The following FDX2 variants were observed in gnomAD, a reference collection of about 807,000 sequenced individuals.
FDX2 encodes ferredoxin-2, mitochondrial.
In FDX2, 13 loss-of-function variants were observed where a neutral mutation model predicts 18.5. The ratio of observed to expected loss-of-function variants is 0.70; its 90% CI spans 0.46 to 1.12. FDX2 has a LOEUF of 1.12. Among genes scored for constraint, FDX2 ranks in the 50% most tolerant of loss-of-function variants. FDX2 has a pLI of 0.00. For synonymous variants in FDX2, 132 were observed against 106.2 expected (o/e 1.24, Z -1.49); for missense variants, 238 against 250.4 (o/e 0.95, Z 0.34).
chr19:10,314,570 GA>G (rs945812780), intron 3 of FDX2, among the ~76,000 whole-genome samples: 25 of 145,128 alleles, frequency 1.7e-4, no homozygotes, highest in East Asian at 1.2e-3. Flanking sequence ...TCCGTCTCTT[GA>G]AAAAAAAAAA....
At chr19:10,313,352 A>T (rs1272183731) in intron 3 of FDX2, among the ~76,000 whole-genome samples, 1 of 152,118 alleles carries the variant, frequency 6.6e-6, no homozygotes, top group Non-Finnish European at 1.5e-5. Context: ...AGTTGGTCAT[A>T]ATTATGTATT....
At chr19:10,310,684 G>T in intron 4 of FDX2, 42 bp from the exon 5 acceptor site, 1 of 1,600,086 alleles carries the variant, frequency 6.2e-7, no homozygotes, top group Non-Finnish European at 8.5e-7. Context: ...GGGCAAGCTA[G>T]CTGGGTGGGT....
At chr19:10,314,982 T>C (rs2040362808) in intron 3 of FDX2, among the ~76,000 whole-genome samples, 1 of 152,088 alleles carries the variant, frequency 6.6e-6, no homozygotes, top group Non-Finnish European at 1.5e-5. Context: ...GCGCCTGTAA[T>C]CCCAGCTAGT....
At position 10,310,210 on chromosome 19, in the gene FDX2, C is replaced by G. The variant is rs565772659; in HGVS notation, c.*276G>C. 283 of 481,162 alleles carry G rather than the reference C, an allele frequency of 5.9e-4. No homozygotes were observed. The highest frequency in any genetic ancestry group is 1.3e-3 in the Admixed American group (38 of 29,320). The allele number at this position is 481,162 out of a possible 1,614,324, so 29.8% of individuals were successfully genotyped here. On this transcript the variant is annotated 3_prime_UTR_variant, in exon 5 of 5. Coordinates refer to ENST00000393708, the MANE Select transcript of FDX2 (RefSeq NM_001031734.4). ...CTGTCCCCCAAGGACACTCAACATGCTGGGGCCTGTGTTATCGATTTATTG... is the reference window on the plus strand; with the variant it reads ...CTGTCCCCCAAGGACACTCAACATGGTGGGGCCTGTGTTATCGATTTATTG...
Position 10,315,318 on chromosome 19 carries a change from G to A in FDX2, c.316+68C>T, listed in dbSNP as rs12976540. 2.0e-3 allele frequency: 869 copies of A among 428,570 alleles called. 19 individuals are homozygous for A. The highest frequency in any genetic ancestry group is 5.8e-3 in the Middle Eastern group (10 of 1,722). The allele number at this position is 428,570 out of a possible 1,614,324, so 26.5% of individuals were successfully genotyped here. On this transcript the variant is annotated intron_variant, in intron 3 of 4. Transcript: ENST00000393708. ...CGTGAAGAGACACACCTAATTTGTGGGTTTTTTTTTTTTTTTTTTTGGACA... is the reference window on the plus strand; with the variant it reads ...CGTGAAGAGACACACCTAATTTGTGAGTTTTTTTTTTTTTTTTTTTGGACA...
intron 3 of FDX2, among the ~76,000 whole-genome samples, chr19:10,312,076 G>A (rs1421698797): frequency 6.6e-6 from 1 of 151,254 alleles, no homozygotes; most frequent in Admixed American, 6.6e-5. Context: ...TGCCATGCTG[G>A]CCAGGCTGGT....
rs1400520686 is a variant in FDX2, at chr19:10,310,940, C to G, written c.317G>C (p.Gly106Ala). 1 of 1,609,760 alleles carries G rather than the reference C, an allele frequency of 6.2e-7. No homozygotes were observed. The highest frequency in any genetic ancestry group is 1.3e-5 in the African/African-American group (1 of 74,824). Reference sequence around the variant, plus strand: ...GCAGGCCAGGGAGGCTTCACAGGCCCCTAGGGGTGGGAAGTGAAGGGGGCG... The same window carrying G: ...GCAGGCCAGGGAGGCTTCACAGGCCGCTAGGGGTGGGAAGTGAAGGGGGCG... The change falls in exon 4 of 5, where the codon GGG becomes GCG. Residue 106 changes from glycine to alanine, a missense_variant and splice_region_variant. Physicochemically the swap from Gly to Ala is moderately conservative, Grantham distance 60. Transcript: ENST00000393708.
chr19:10,312,172 ATTTTTTTTT>A (rs60538704), intron 3 of FDX2, among the ~76,000 whole-genome samples: 2 of 82,546 alleles, frequency 2.4e-5, no homozygotes, highest in Non-Finnish European at 4.5e-5. Flanking sequence ...ACCTGGCCAT[ATTTTTTTTT>A]TTTTTTTTTT....
rs1269325567 is a variant in FDX2 at position 10,310,057 on chromosome 19, T to G, written c.*429A>C. 2 of 179,828 alleles carry G rather than the reference T, an allele frequency of 1.1e-5. No individual in the cohort carries two copies. Among genetic ancestry groups the G allele is most frequent in the Non-Finnish European group, 2.4e-5 (2 of 84,502 alleles). 11.1% of individuals were successfully genotyped at this position (179,828 alleles called of 1,614,324 possible). ...CACCACTCCACGCTAATTTTTACTGTTTTTATAGAGACGAGGTCTCGCCAT... is the reference window on the plus strand; with the variant it reads ...CACCACTCCACGCTAATTTTTACTGGTTTTATAGAGACGAGGTCTCGCCAT... On this transcript the variant is annotated 3_prime_UTR_variant, in exon 5 of 5. Coordinates refer to ENST00000393708, the MANE Select transcript of FDX2 (RefSeq NM_001031734.4).
Position 10,310,412 on chromosome 19 carries a change from A to G in FDX2, c.*74T>C. On this transcript the variant is annotated 3_prime_UTR_variant, in exon 5 of 5. Transcript: ENST00000393708. Reference sequence around the variant, plus strand: ...TCCCGGGCCTGTCCGCACTCTGGGCAGGGCTGGCACCTGGCTATTCCCTCA... The same window carrying G: ...TCCCGGGCCTGTCCGCACTCTGGGCGGGGCTGGCACCTGGCTATTCCCTCA... 1 of 1,597,728 alleles carries G rather than the reference A, an allele frequency of 6.3e-7. No homozygotes were observed. Among genetic ancestry groups the G allele is most frequent in the Admixed American group, 1.7e-5 (1 of 59,096 alleles).
At chr19:10,312,619 G>A (rs1185788529) in intron 3 of FDX2, among the ~76,000 whole-genome samples, 1 of 152,054 alleles carries the variant, frequency 6.6e-6, no homozygotes, top group African/African-American at 2.4e-5. Context: ...TACAAGCTCC[G>A]CTTCCCGGAT....
chr19:10,315,701 TCA>T lies in FDX2; in HGVS notation c.209+2_209+3del. ...GAATGGGGGACTTGGCCCCCTGCAC[TCA>T]CACGTCCCCGGGCCGCTCCGGGCCG... On this transcript the variant is annotated splice_donor_variant and splice_donor_region_variant and intron_variant, in intron 2 of 4. Coordinates refer to ENST00000393708, the MANE Select transcript of FDX2 (RefSeq NM_001031734.4). LOFTEE classifies it high-confidence loss of function. 2 of 1,549,076 alleles carry T rather than the reference TCA, an allele frequency of 1.3e-6. No individual in the cohort carries two copies. The highest frequency in any genetic ancestry group is 1.7e-6 in the Non-Finnish European group (2 of 1,147,176).
At chr19:10,314,911 G>A (rs1041347985) in intron 3 of FDX2, among the ~76,000 whole-genome samples, 1 of 152,170 alleles carries the variant, frequency 6.6e-6, no homozygotes, top group Non-Finnish European at 1.5e-5. Flanking sequence ...GACCAGCCTG[G>A]CCAATGTGGT....
chr19:10,313,127 G>C (rs1471457459), intron 3 of FDX2, among the ~76,000 whole-genome samples: 1 of 152,158 alleles, frequency 6.6e-6, no homozygotes, highest in African/African-American at 2.4e-5. Context: ...GATAGAGCGA[G>C]ACTCTGTCTC....
chr19:10,310,919 G>A lies in FDX2; in HGVS notation c.338C>T (p.Ala113Val), dbSNP rs2040317528. Residue 113 changes from alanine to valine, a missense_variant, in exon 4 of 5, where the codon GCC becomes GTC. Coordinates refer to ENST00000393708, the MANE Select transcript of FDX2 (RefSeq NM_001031734.4). ...CACATACACATGGCAGGTGGAGCAG[G>A]CCAGGGAGGCTTCACAGGCCCCTAG... The A allele has an allele frequency of 6.2e-7, 1 of 1,613,100 alleles. No homozygotes were observed. Among genetic ancestry groups the A allele is most frequent in the Non-Finnish European group, 8.5e-7 (1 of 1,179,526 alleles).
Position 10,310,901 on chromosome 19 carries a change from ACATGG to A in FDX2, c.351_355del (p.His118ValfsTer4). 6.2e-7 allele frequency: 1 copy of A among 1,613,734 alleles called. No individual in the cohort carries two copies. Among genetic ancestry groups the A allele is most frequent in the Non-Finnish European group, 8.5e-7 (1 of 1,179,878 alleles). On this transcript the variant is annotated frameshift_variant, in exon 4 of 5. Coordinates refer to ENST00000393708, the MANE Select transcript of FDX2 (RefSeq NM_001031734.4). LOFTEE classifies it high-confidence loss of function. The stretch of plus-strand genomic sequence containing the variant: ...ATCCAGGTGGTCTTCACTCACATAC[ACATGG>A]CAGGTGGAGCAGGCCAGGGAGGCTT...
rs1416404381 is a variant in FDX2 at position 10,310,920 on chromosome 19, C to T, written c.337G>A (p.Ala113Thr). 6.2e-7 allele frequency: 1 copy of T among 1,612,838 alleles called. No individual in the cohort carries two copies. Among genetic ancestry groups the T allele is most frequent in the East Asian group, 2.2e-5 (1 of 44,882 alleles). Reference sequence around the variant, plus strand: ...ACATACACATGGCAGGTGGAGCAGGCCAGGGAGGCTTCACAGGCCCCTAGG... The same window carrying T: ...ACATACACATGGCAGGTGGAGCAGGTCAGGGAGGCTTCACAGGCCCCTAGG... The change falls in exon 4 of 5, where the codon GCC becomes ACC. Residue 113 changes from alanine to threonine, a missense_variant. Transcript: ENST00000393708.
rs2040377199 is a variant in FDX2 at position 10,315,767 on chromosome 19, A to T, written c.155-8T>A. 2.5e-6 allele frequency: 4 copies of T among 1,602,356 alleles called. No homozygotes were observed. In the East Asian group the frequency reaches 9.0e-5, roughly 36 times the overall value. ...CTCCAGCCGGGCGCGAGCCTGGAAA[A>T]CACGGTTCGGTGAGCGGCTGCGCCG... On this transcript the variant is annotated splice_polypyrimidine_tract_variant and splice_region_variant and intron_variant, in intron 1 of 4. Transcript: ENST00000393708.
rs1394636300 is a variant in FDX2 at position 10,315,701 on chromosome 19, T to C, written c.209+4A>G. 3.9e-6 allele frequency: 6 copies of C among 1,549,076 alleles called. No individual in the cohort carries two copies. Among genetic ancestry groups the C allele is most frequent in the South Asian group, 1.2e-5 (1 of 84,014 alleles). On this transcript the variant is annotated splice_donor_region_variant and intron_variant, in intron 2 of 4. Transcript: ENST00000393708. ...GAATGGGGGACTTGGCCCCCTGCAC[T>C]CACACGTCCCCGGGCCGCTCCGGGC...
Sources: gnomAD v4.1 joint callset for allele counts (sites outside exome capture counted in the v4.1 genomes callset) on GRCh38, gnomAD v4.1.1 for gene constraint, MANE v1.5 for transcripts, NCBI Gene and HGNC (gene_info 2026-07-23, HGNC 2026-07-21) for gene names.